The following AOAH variants were observed in gnomAD, a reference collection of about 807,000 sequenced individuals.
The protein encoded by AOAH is acyloxyacyl hydrolase.
In AOAH, 64 loss-of-function variants were observed where a neutral mutation model predicts 92.2. The ratio of observed to expected loss-of-function variants is 0.69; its 90% CI spans 0.57 to 0.86. The LOEUF (loss-of-function observed/expected upper bound fraction) is 0.86. AOAH is among the 40% of genes least tolerant of loss of function. The pLI, the probability that AOAH is intolerant of heterozygous loss-of-function variation, is 0.00. For missense variants in AOAH, 656 were observed against 694.6 expected (o/e 0.94, Z 0.62); for synonymous variants, 263 against 254.5 (o/e 1.03, Z -0.32).
chr7:36,692,873 G>A (rs934370280), intron 1 of AOAH, among the ~76,000 whole-genome samples: 2 of 152,176 alleles, frequency 1.3e-5, no homozygotes, highest in South Asian at 2.1e-4. Context: ...GTGCTTTGGG[G>A]ACACACTGGT....
intron 16 of AOAH, among the ~76,000 whole-genome samples, chr7:36,535,895 T>C (rs1461573432): frequency 6.6e-6 from 1 of 152,174 alleles, no homozygotes; most frequent in Non-Finnish European, 1.5e-5. Flanking sequence ...AGGACCCACA[T>C]CAGTAGAATC....
chr7:36,615,414 C>G (rs918790817), intron 11 of AOAH, among the ~76,000 whole-genome samples: 2 of 152,150 alleles, frequency 1.3e-5, no homozygotes, highest in Non-Finnish European at 2.9e-5. Context: ...CTGAGGGCAC[C>G]TGTACTTTTA....
At chr7:36,612,219 G>A (rs1791511192) in intron 11 of AOAH, among the ~76,000 whole-genome samples, 2 of 152,102 alleles carry the variant, frequency 1.3e-5, no homozygotes, top group Admixed American at 1.3e-4. Context: ...GATAGCCAGT[G>A]GTAGGTAACA....
chr7:36,724,197 C>T lies in AOAH; in HGVS notation c.-49G>A. 6.2e-7 allele frequency: 1 copy of T among 1,604,160 alleles called. No homozygotes were observed. The highest frequency in any genetic ancestry group is 1.7e-5 in the Admixed American group (1 of 59,652). Reference sequence around the variant, plus strand: ...ATCACCCGGCTTTGGAAGCTCCCAACTGAGGGATGCTGGAGCTGAGGCTGC... The same window carrying T: ...ATCACCCGGCTTTGGAAGCTCCCAATTGAGGGATGCTGGAGCTGAGGCTGC... On this transcript the variant is annotated 5_prime_UTR_variant, in exon 1 of 21. Coordinates refer to ENST00000617537, the MANE Select transcript of AOAH (RefSeq NM_001637.4).
intron 12 of AOAH, among the ~76,000 whole-genome samples, chr7:36,582,467 AT>A (rs1788999130): frequency 6.6e-6 from 1 of 152,140 alleles, no homozygotes; most frequent in African/African-American, 2.4e-5. Flanking sequence ...TTGGGTTTTG[AT>A]TTCTAGCACC....
intron 12 of AOAH, among the ~76,000 whole-genome samples, chr7:36,590,175 C>G (rs1290097346): frequency 1.3e-5 from 2 of 152,146 alleles, no homozygotes; most frequent in Admixed American, 6.5e-5. Flanking sequence ...TCAAGCTGAT[C>G]TCAAACTCCT....
chr7:36,684,921 AAAAAAAAAAAAAAAAAAAGAAG>A (rs1796882851), intron 2 of AOAH, among the ~76,000 whole-genome samples: 1 of 119,742 alleles, frequency 8.4e-6, no homozygotes, highest in Non-Finnish European at 1.7e-5. Context: ...AAAAAAAAAA[AAAAAAAAAAAAAAAAAAAGAAG>A]AAGAAGAAGA....
intron 15 of AOAH, among the ~76,000 whole-genome samples, chr7:36,546,355 C>T (rs1428143789): frequency 6.6e-6 from 1 of 152,224 alleles, no homozygotes; most frequent in Non-Finnish European, 1.5e-5. Flanking sequence ...GAAATCTACT[C>T]CACCTTGACG....
chr7:36,681,238 G>A (rs922906254), intron 2 of AOAH, among the ~76,000 whole-genome samples: 6 of 152,000 alleles, frequency 3.9e-5, no homozygotes, highest in African/African-American at 1.2e-4. Flanking sequence ...TCTGTAACTC[G>A]GAGATGTGAA....
At chr7:36,532,619 T>C (rs1784767904) in intron 16 of AOAH, among the ~76,000 whole-genome samples, 1 of 152,130 alleles carries the variant, frequency 6.6e-6, no homozygotes, top group Non-Finnish European at 1.5e-5. Context: ...AGTGGCCTCA[T>C]CTGGACTCAG....
intron 9 of AOAH, 59 bp from the exon 10 acceptor site, chr7:36,618,404 C>T (rs781363949): frequency 2.7e-5 from 40 of 1,492,386 alleles, no homozygotes; most frequent in Non-Finnish European, 3.5e-5. Flanking sequence ...GATACATATA[C>T]TAAAGCTCTC....
At chr7:36,694,955 A>AGG (rs1270881260) in intron 1 of AOAH, among the ~76,000 whole-genome samples, 1 of 151,798 alleles carries the variant, frequency 6.6e-6, no homozygotes, top group Non-Finnish European at 1.5e-5. Context: ...AGAAAGAGAG[A>AGG]GAGAAATAAT....
rs759251000 is a variant in AOAH at position 36,513,217 on chromosome 7, C to T, written c.*35G>A. ...ATGAGTTTACCCAAGCCTCTGCCTC[C>T]CTGTGCTCCCCAGGGGTGCATGCTC... On this transcript the variant is annotated 3_prime_UTR_variant, in exon 21 of 21. Coordinates refer to ENST00000617537, the MANE Select transcript of AOAH (RefSeq NM_001637.4). 3 of 1,614,188 alleles carry T rather than the reference C, an allele frequency of 1.9e-6. No individual in the cohort carries two copies. Among genetic ancestry groups the T allele is most frequent in the Non-Finnish European group, 2.5e-6 (3 of 1,180,036 alleles).
intron 11 of AOAH, among the ~76,000 whole-genome samples, chr7:36,608,385 G>C (rs1447452821): frequency 6.6e-6 from 1 of 152,180 alleles, no homozygotes; most frequent in Non-Finnish European, 1.5e-5. Flanking sequence ...CCCTTCCTTT[G>C]CAGGCTCTGT....
intron 1 of AOAH, among the ~76,000 whole-genome samples, chr7:36,722,978 G>C (rs1799739135): frequency 7.3e-6 from 1 of 137,682 alleles, no homozygotes; most frequent in South Asian, 2.4e-4. Context: ...TGGAAGTAGA[G>C]ATGCATCTCC....
chr7:36,610,882 C>T (rs1791405680), intron 11 of AOAH, among the ~76,000 whole-genome samples: 1 of 152,188 alleles, frequency 6.6e-6, no homozygotes, highest in South Asian at 2.1e-4. Flanking sequence ...ATGAGAGACA[C>T]ATGGCACACA....
chr7:36,530,097 C>A (rs936886002), intron 19 of AOAH, among the ~76,000 whole-genome samples: 2 of 152,186 alleles, frequency 1.3e-5, no homozygotes, highest in Non-Finnish European at 2.9e-5. Context: ...GGGCTTTTAA[C>A]CCGACAAGAA....
intron 1 of AOAH, among the ~76,000 whole-genome samples, chr7:36,712,763 G>T (rs1396908401): frequency 6.6e-6 from 1 of 152,050 alleles, no homozygotes; most frequent in Non-Finnish European, 1.5e-5. Flanking sequence ...ATAAAATACT[G>T]TACAGATAAG....
intron 12 of AOAH, among the ~76,000 whole-genome samples, chr7:36,590,851 C>T (rs1489316408): frequency 1.3e-5 from 2 of 152,216 alleles, no homozygotes; most frequent in Non-Finnish European, 2.9e-5. Flanking sequence ...AAATGAGGAC[C>T]TCCATCATAT....
Sources: allele counts gnomAD v4.1 joint callset (sites outside exome capture counted in the v4.1 genomes callset), GRCh38; gene constraint gnomAD v4.1.1; transcripts MANE v1.5; gene names NCBI Gene and HGNC (gene_info 2026-07-23, HGNC 2026-07-21).